Variants in PTPRD observed in about 807,000 individuals in gnomAD.
PTPRD encodes the protein receptor-type tyrosine-protein phosphatase delta.
Under a neutral mutation model 214.5 loss-of-function variants are expected in PTPRD, and 34 were observed. The observed-to-expected ratio is 0.16, with a 90% CI of 0.12 to 0.21. PTPRD has a LOEUF of 0.21. PTPRD is among the 10% of genes least tolerant of loss of function. The pLI, the probability that PTPRD is intolerant of heterozygous loss-of-function variation, is 1.00. For missense variants in PTPRD, 2,545 were observed against 2,398.7 expected (o/e 1.06, Z -1.27); for synonymous variants, 1,128 against 845.7 (o/e 1.33, Z -5.79).
intron 9 of PTPRD, among the ~76,000 whole-genome samples, chr9:9,297,323 T>C (rs542595687): frequency 6.6e-6 from 1 of 151,750 alleles, no homozygotes; most frequent in East Asian, 2.0e-4. Context: ...GACAGAGATA[T>C]GGTTTTGGGT....
At chr9:9,709,741 G>T (rs879850901) in intron 7 of PTPRD, among the ~76,000 whole-genome samples, 2 of 151,938 alleles carry the variant, frequency 1.3e-5, no homozygotes, top group African/African-American at 2.4e-5. Context: ...AGTACTATTT[G>T]CTCTGTATTA....
chr9:8,327,348 TTTTTTTTTTAAATC>T, intron 44 of PTPRD, among the ~76,000 whole-genome samples: 1 of 67,426 alleles, frequency 1.5e-5, no homozygotes, highest in East Asian at 7.2e-4. Context: ...TTTGAGTGGT[TTTTTTTTTTAAATC>T]TTGAGTTCTA....
At chr9:9,848,777 C>T (rs1383398041) in intron 5 of PTPRD, among the ~76,000 whole-genome samples, 1 of 152,020 alleles carries the variant, frequency 6.6e-6, no homozygotes, top group African/African-American at 2.4e-5. Flanking sequence ...AGACAGAACC[C>T]ATTACAGCCT....
At chr9:9,065,224 G>T (rs2099724804) in intron 10 of PTPRD, among the ~76,000 whole-genome samples, 1 of 152,136 alleles carries the variant, frequency 6.6e-6, no homozygotes, top group Non-Finnish European at 1.5e-5. Context: ...AACAAATAAG[G>T]ATAGGGTGAA....
At chr9:9,923,316 C>A (rs1187697937) in intron 5 of PTPRD, among the ~76,000 whole-genome samples, 2 of 148,614 alleles carry the variant, frequency 1.3e-5, no homozygotes, top group Admixed American at 6.7e-5. Context: ...GAAAATCTAT[C>A]AAAAGTTAAA....
intron 2 of PTPRD, among the ~76,000 whole-genome samples, chr9:10,518,418 C>G (rs1398051077): frequency 1.3e-5 from 2 of 152,098 alleles, no homozygotes; most frequent in Non-Finnish European, 2.9e-5. Context: ...TGTTGGCAAT[C>G]AGTCCAGTGG....
At chr9:9,217,174 G>T (rs1017434169) in intron 9 of PTPRD, among the ~76,000 whole-genome samples, 4 of 152,082 alleles carry the variant, frequency 2.6e-5, no homozygotes, top group African/African-American at 9.7e-5. Flanking sequence ...TGTTCCCTTT[G>T]CAACTCTGTC....
chr9:10,425,728 G>C (rs750855423), intron 2 of PTPRD, among the ~76,000 whole-genome samples: 1 of 151,714 alleles, frequency 6.6e-6, no homozygotes, highest in African/African-American at 2.4e-5. Flanking sequence ...CACACTTCAC[G>C]GCTCAAAGTG....
intron 12 of PTPRD, among the ~76,000 whole-genome samples, chr9:8,696,702 C>T (rs1364324206): frequency 1.3e-5 from 2 of 152,142 alleles, no homozygotes; most frequent in African/African-American, 2.4e-5. Context: ...CATAAGATGA[C>T]GGCAGAGAGG....
chr9:8,883,655 T>A (rs2098464193), intron 11 of PTPRD, among the ~76,000 whole-genome samples: 1 of 152,014 alleles, frequency 6.6e-6, no homozygotes, highest in African/African-American at 2.4e-5. Flanking sequence ...AGGTCAGGAG[T>A]GTAAGCTTTC....
rs866941189 is a variant in PTPRD at position 10,009,265 on chromosome 9, C to T, written c.-472+24453G>A. ...TTATTCTGAGCCAAATCTGAGTGAC[C>T]GAGGCTCAAAGTACAGTCTCAAGAG... On this transcript the variant is annotated intron_variant, in intron 4 of 45. Transcript: ENST00000381196. Among the ~76,000 whole-genome samples the T allele has an allele frequency of 1.3e-4, 19 of 151,906 alleles. No individual in the cohort carries two copies. In the Middle Eastern group the frequency reaches 0.024, roughly 190 times the overall value.
chr9:8,742,562 T>C (rs2092176416), intron 11 of PTPRD, among the ~76,000 whole-genome samples: 1 of 149,460 alleles, frequency 6.7e-6, no homozygotes, highest in Admixed American at 6.6e-5. Context: ...TGTATCTATT[T>C]TATTTGTTTT....
At chr9:8,661,931 TA>T (rs1388613950) in intron 12 of PTPRD, among the ~76,000 whole-genome samples, 1 of 152,218 alleles carries the variant, frequency 6.6e-6, no homozygotes, top group African/African-American at 2.4e-5. Flanking sequence ...TTTATTTATT[TA>T]CCCATTCATT....
chr9:10,573,274 A>G (rs1713741263), intron 2 of PTPRD, among the ~76,000 whole-genome samples: 1 of 152,186 alleles, frequency 6.6e-6, no homozygotes, highest in African/African-American at 2.4e-5. Context: ...AACACACACG[A>G]ATGTTGAATG....
chr9:8,724,194 G>A (rs1479434779), intron 12 of PTPRD, among the ~76,000 whole-genome samples: 1 of 152,006 alleles, frequency 6.6e-6, no homozygotes, highest in Non-Finnish European at 1.5e-5. Context: ...AAATTTGGGG[G>A]GAATTTTTTA....
At chr9:9,768,854 T>A (rs150598588) in intron 5 of PTPRD, among the ~76,000 whole-genome samples, 2 of 152,302 alleles carry the variant, frequency 1.3e-5, no homozygotes, top group East Asian at 3.9e-4. Flanking sequence ...ACGAACGTAA[T>A]CAGGGTTGAG....
At position 8,778,721 on chromosome 9, in the gene PTPRD, G is replaced by A. The variant is rs181533900; in HGVS notation, c.-103-44775C>T. On this transcript the variant is annotated intron_variant, in intron 11 of 45. Coordinates refer to ENST00000381196, the MANE Select transcript of PTPRD (RefSeq NM_002839.4). ...AGAAAGATCAGTAATACTGAAACTA[G>A]GAGGCCATGGAGTGTTTCCCACTTG... is the stretch of plus-strand genomic sequence containing the variant. Among the ~76,000 whole-genome samples, 557 of 152,258 alleles carry A rather than the reference G, an allele frequency of 3.7e-3. 3 individuals are homozygous for A. Among genetic ancestry groups the A allele is most frequent in the Middle Eastern group, 0.01 (3 of 294 alleles).
chr9:10,468,380 C>T (rs2099008315), intron 2 of PTPRD, among the ~76,000 whole-genome samples: 1 of 152,142 alleles, frequency 6.6e-6, no homozygotes, highest in African/African-American at 2.4e-5. Flanking sequence ...AACCATCATT[C>T]TCAGCAAACT....
chr9:10,125,644 G>GTGTGTC (rs2098813235), intron 3 of PTPRD, among the ~76,000 whole-genome samples: 1 of 150,670 alleles, frequency 6.6e-6, no homozygotes, highest in Non-Finnish European at 1.5e-5. Context: ...GTGTGTGTGT[G>GTGTGTC]TGTGTGTGTG....
Sources: gnomAD v4.1 joint callset for allele counts (sites outside exome capture counted in the v4.1 genomes callset) on GRCh38, gnomAD v4.1.1 for gene constraint, MANE v1.5 for transcripts, NCBI Gene and HGNC (gene_info 2026-07-23, HGNC 2026-07-21) for gene names.